Variants in COX7B2 observed in about 807,000 individuals in gnomAD.
COX7B2 encodes the protein cytochrome c oxidase subunit 7B2, mitochondrial.
For missense variants in COX7B2, 109 were observed against 95.9 expected, an observed-to-expected ratio of 1.14 and a Z score of -0.57; for synonymous variants, 37 against 32.1, an observed-to-expected ratio of 1.15 and a Z score of -0.51.
chr4:46,755,997 T>C (rs1715773183), intron 2 of COX7B2, among the ~76,000 whole-genome samples: 1 of 151,960 alleles, frequency 6.6e-6, no homozygotes, highest in Non-Finnish European at 1.5e-5. Context: ...ATGGCCCAAA[T>C]AGCCAAAGAA....
At chr4:46,747,444 C>T (rs930946463) in intron 2 of COX7B2, among the ~76,000 whole-genome samples, 1 of 152,082 alleles carries the variant, frequency 6.6e-6, no homozygotes, top group Admixed American at 6.6e-5. Context: ...GCTGGGATTA[C>T]AGGTGTGTGC....
intron 2 of COX7B2, among the ~76,000 whole-genome samples, chr4:46,737,393 C>T (rs1322307787): frequency 6.6e-6 from 1 of 152,100 alleles, no homozygotes; most frequent in African/African-American, 2.4e-5. Flanking sequence ...CTGTGGTTTG[C>T]CTTGTCATTC....
At chr4:46,740,251 A>G (rs1468064946) in intron 2 of COX7B2, among the ~76,000 whole-genome samples, 1 of 152,122 alleles carries the variant, frequency 6.6e-6, no homozygotes, top group Non-Finnish European at 1.5e-5. Flanking sequence ...TACTAACCAC[A>G]GACATGTGAA....
chr4:46,906,603 C>T (rs947415683), intron 1 of COX7B2, among the ~76,000 whole-genome samples: 1 of 152,156 alleles, frequency 6.6e-6, no homozygotes, highest in Non-Finnish European at 1.5e-5. Context: ...TACTTGACTA[C>T]CTTATTTTTT....
chr4:46,800,903 A>T (rs1279585038), intron 2 of COX7B2, among the ~76,000 whole-genome samples: 1 of 152,140 alleles, frequency 6.6e-6, no homozygotes, highest in Non-Finnish European at 1.5e-5. Context: ...GAGGGACTTA[A>T]ACAACTCAAC....
chr4:46,796,954 A>AG (rs1296926963), intron 2 of COX7B2, among the ~76,000 whole-genome samples: 5 of 57,418 alleles, frequency 8.7e-5, no homozygotes, highest in African/African-American at 3.5e-4. Flanking sequence ...GGGTCGGGGG[A>AG]GCGGGGAGGG....
At chr4:46,894,841 A>G (rs1719653526) in intron 1 of COX7B2, among the ~76,000 whole-genome samples, 1 of 152,252 alleles carries the variant, frequency 6.6e-6, no homozygotes, top group African/African-American at 2.4e-5. Flanking sequence ...ATCACTTTTC[A>G]AAAGAAGACA....
intron 2 of COX7B2, among the ~76,000 whole-genome samples, chr4:46,827,761 T>C (rs1444282179): frequency 1.3e-5 from 2 of 152,170 alleles, no homozygotes; most frequent in African/African-American, 4.8e-5. Context: ...TGTGTGAATG[T>C]GTGTGTGTCT....
At chr4:46,744,993 A>T (rs985825783) in intron 2 of COX7B2, among the ~76,000 whole-genome samples, 26 of 152,030 alleles carry the variant, frequency 1.7e-4, no homozygotes, top group Non-Finnish European at 2.9e-5. Flanking sequence ...CAGCCTCCCA[A>T]AGTGCTAGGA....
intron 2 of COX7B2, among the ~76,000 whole-genome samples, chr4:46,842,701 T>A: frequency 6.6e-6 from 1 of 152,112 alleles, no homozygotes; most frequent in Non-Finnish European, 1.5e-5. Flanking sequence ...GGTTTCCAGT[T>A]TCATCCATGT....
At chr4:46,764,241 A>G (rs1716388079) in intron 2 of COX7B2, among the ~76,000 whole-genome samples, 1 of 152,170 alleles carries the variant, frequency 6.6e-6, no homozygotes, top group South Asian at 2.1e-4. Context: ...ATTTATTTAG[A>G]GATATAAGAA....
intron 2 of COX7B2, among the ~76,000 whole-genome samples, chr4:46,780,252 C>T (rs780193980): frequency 2.0e-5 from 3 of 152,146 alleles, no homozygotes; most frequent in Non-Finnish European, 2.9e-5. Context: ...CACGGTGGCT[C>T]ACACCTGTAA....
chr4:46,824,434 G>A lies in COX7B2; in HGVS notation c.-50+20526C>T, dbSNP rs147324272. On this transcript the variant is annotated intron_variant, in intron 2 of 2. Transcript: ENST00000355591. ...CTCATGAGAGAATGAAATTGAGCCC[G>A]TTGAATCAGCCTCACTTGTACCAAA... is the stretch of plus-strand genomic sequence containing the variant. Among the ~76,000 whole-genome samples, 63 of 152,206 alleles carry A rather than the reference G, an allele frequency of 4.1e-4. No homozygotes were observed. The East Asian group carries it at 8.7e-3, about 21-fold the overall frequency.
intron 2 of COX7B2, among the ~76,000 whole-genome samples, chr4:46,835,964 G>A (rs951294729): frequency 1.3e-5 from 2 of 152,198 alleles, no homozygotes; most frequent in South Asian, 2.1e-4. Context: ...ACCTAAACAT[G>A]TCCAAACATA....
chr4:46,898,495 G>A (rs945151885), intron 1 of COX7B2, among the ~76,000 whole-genome samples: 16 of 152,004 alleles, frequency 1.1e-4, no homozygotes, highest in Admixed American at 7.2e-4. Flanking sequence ...ATGGCTCACC[G>A]CAACCTCATT....
At chr4:46,764,502 C>CAG (rs1716410267) in intron 2 of COX7B2, among the ~76,000 whole-genome samples, 1 of 151,776 alleles carries the variant, frequency 6.6e-6, no homozygotes, top group Admixed American at 6.6e-5. Context: ...GAGATCAGGC[C>CAG]ACTGCACTCC....
At chr4:46,896,856 T>C (rs1372302605) in intron 1 of COX7B2, among the ~76,000 whole-genome samples, 1 of 152,182 alleles carries the variant, frequency 6.6e-6, no homozygotes, top group Non-Finnish European at 1.5e-5. Context: ...ATTTCAATTT[T>C]CTCTTTCAAG....
chr4:46,778,372 T>G (rs1226736039), intron 2 of COX7B2, among the ~76,000 whole-genome samples: 1 of 152,166 alleles, frequency 6.6e-6, no homozygotes, highest in Non-Finnish European at 1.5e-5. Flanking sequence ...CAATAACATG[T>G]AGTCAGCAAA....
At chr4:46,762,467 G>GTATATA (rs1560362390) in intron 2 of COX7B2, among the ~76,000 whole-genome samples, 37 of 134,732 alleles carry the variant, frequency 2.7e-4, no homozygotes, top group South Asian at 6.6e-4. Flanking sequence ...TATAGTATAT[G>GTATATA]TACTATATAT....
Sources: allele counts gnomAD v4.1 joint callset (sites outside exome capture counted in the v4.1 genomes callset), GRCh38; gene constraint gnomAD v4.1.1; transcripts MANE v1.5; gene names NCBI Gene and HGNC (gene_info 2026-07-23, HGNC 2026-07-21).